The following DPP10 variants were observed in gnomAD, a reference collection of about 807,000 sequenced individuals.
DPP10 encodes inactive dipeptidyl peptidase 10.
In DPP10, 33 loss-of-function variants were observed where a neutral mutation model predicts 120.9. The ratio of observed to expected loss-of-function variants is 0.27; its 90% CI spans 0.21 to 0.37. DPP10 has a LOEUF of 0.37. DPP10 is among the 10% of genes least tolerant of loss of function. The pLI, the probability that DPP10 is intolerant of heterozygous loss-of-function variation, is 1.00. For missense variants in DPP10, 816 were observed against 942.8 expected (o/e 0.87, Z 1.76); for synonymous variants, 337 against 326.1 (o/e 1.03, Z -0.36).
At chr2:115,283,907 C>G (rs538542931) in intron 1 of DPP10, among the ~76,000 whole-genome samples, 1 of 151,974 alleles carries the variant, frequency 6.6e-6, no homozygotes, top group Non-Finnish European at 1.5e-5. Flanking sequence ...GGTCTAGGAG[C>G]AATAGGCTAG....
intron 1 of DPP10, among the ~76,000 whole-genome samples, chr2:114,644,082 C>A (rs1695927804): frequency 6.7e-6 from 1 of 149,008 alleles, no homozygotes; most frequent in Admixed American, 6.7e-5. Flanking sequence ...TTACAGGTGC[C>A]CGCCACCATG....
At chr2:115,459,936 T>TAC (rs201688134) in intron 3 of DPP10, among the ~76,000 whole-genome samples, 11 of 39,516 alleles carry the variant, frequency 2.8e-4, no homozygotes, top group East Asian at 2.3e-3. Flanking sequence ...TATATATATA[T>TAC]ATACACACAC....
intron 1 of DPP10, among the ~76,000 whole-genome samples, chr2:114,460,642 A>G (rs898795972): frequency 6.6e-6 from 1 of 152,196 alleles, no homozygotes; most frequent in African/African-American, 2.4e-5. Flanking sequence ...TTTATTCATT[A>G]TAGGACTATT....
chr2:114,536,408 C>CTTTTTTTTTTTTTTTTTTTTTTTTTTTT (rs70937287), intron 1 of DPP10, among the ~76,000 whole-genome samples: 1 of 128,732 alleles, frequency 7.8e-6, no homozygotes, highest in Non-Finnish European at 1.6e-5. Flanking sequence ...TTTTCTTTTT[C>CTTTTTTTTTTTTTTTTTTTTTTTTTTTT]TTTTTTTTTT....
At chr2:114,983,584 C>T (rs1327001061) in intron 1 of DPP10, among the ~76,000 whole-genome samples, 2 of 152,180 alleles carry the variant, frequency 1.3e-5, no homozygotes, top group East Asian at 3.9e-4. Context: ...TCATTTTAGC[C>T]TTTATACATG....
At chr2:114,905,153 C>A (rs979694773) in intron 1 of DPP10, among the ~76,000 whole-genome samples, 4 of 151,190 alleles carry the variant, frequency 2.6e-5, no homozygotes, top group Middle Eastern at 3.5e-3. Context: ...CTAATAATTT[C>A]TTTATATTTT....
chr2:114,448,007 C>A (rs1406828374), intron 1 of DPP10, among the ~76,000 whole-genome samples: 1 of 152,130 alleles, frequency 6.6e-6, no homozygotes, highest in Non-Finnish European at 1.5e-5. Flanking sequence ...TCACCACTTA[C>A]AATTTCCATT....
chr2:114,506,538 C>T (rs531994588), intron 1 of DPP10, among the ~76,000 whole-genome samples: 1 of 152,278 alleles, frequency 6.6e-6, no homozygotes, highest in South Asian at 2.1e-4. Context: ...ATCCAGCCAT[C>T]CACAGATGGC....
intron 7 of DPP10, among the ~76,000 whole-genome samples, chr2:115,722,005 A>G (rs997611786): frequency 3.3e-5 from 5 of 152,176 alleles, no homozygotes; most frequent in African/African-American, 1.2e-4. Context: ...GCACAGAAAG[A>G]CAAATACTGC....
At chr2:115,670,131 GCA>G (rs1411950960) in intron 5 of DPP10, among the ~76,000 whole-genome samples, 1 of 151,990 alleles carries the variant, frequency 6.6e-6, no homozygotes, top group Non-Finnish European at 1.5e-5. Context: ...CAGAGAATAA[GCA>G]CACTTTCTTG....
chr2:114,581,419 G>C (rs763426513), intron 1 of DPP10, among the ~76,000 whole-genome samples: 2 of 151,962 alleles, frequency 1.3e-5, no homozygotes, highest in Non-Finnish European at 2.9e-5. Context: ...TCCTGACCTG[G>C]TGATCAGCCC....
intron 2 of DPP10, among the ~76,000 whole-genome samples, chr2:115,318,218 T>A (rs1356384): frequency 0.79 from 119,580 of 151,948 alleles, 47,340 homozygotes; most frequent in Non-Finnish European, 0.83. Flanking sequence ...CAATTATTAT[T>A]GTGTGAACCT....
At chr2:114,986,671 C>T (rs1386865545) in intron 1 of DPP10, among the ~76,000 whole-genome samples, 2 of 152,176 alleles carry the variant, frequency 1.3e-5, no homozygotes, top group Non-Finnish European at 2.9e-5. Context: ...AAATAAATAG[C>T]ATAATTAAAT....
At chr2:114,454,735 A>G (rs1038139462) in intron 1 of DPP10, among the ~76,000 whole-genome samples, 17 of 151,970 alleles carry the variant, frequency 1.1e-4, no homozygotes, top group Admixed American at 1.1e-3. Flanking sequence ...CCTCAGGAAG[A>G]CGACTTGCTT....
chr2:115,032,301 TGAA>T (rs1487481880), intron 1 of DPP10, among the ~76,000 whole-genome samples: 1 of 152,150 alleles, frequency 6.6e-6, no homozygotes, highest in East Asian at 1.9e-4. Context: ...TGAAAAGAGT[TGAA>T]GAAGTAAAAA....
At chr2:114,748,486 C>A (rs1276715476) in intron 1 of DPP10, among the ~76,000 whole-genome samples, 1 of 140,936 alleles carries the variant, frequency 7.1e-6, no homozygotes, top group African/African-American at 2.6e-5. Flanking sequence ...ATGTGCCATG[C>A]TGGTGCACTG....
At position 114,814,899 on chromosome 2, in the gene DPP10, G is replaced by A. The variant is rs189177701; in HGVS notation, c.60+372061G>A. On this transcript the variant is annotated intron_variant, in intron 1 of 25. Coordinates refer to ENST00000410059, the MANE Select transcript of DPP10 (RefSeq NM_020868.6). ...GATTAAGGTAGAACCAACCGTGGAGGAGCTGCCATGGGCTTTTGTTGTCTA... is the reference window on the plus strand; with the variant it reads ...GATTAAGGTAGAACCAACCGTGGAGAAGCTGCCATGGGCTTTTGTTGTCTA... Among the ~76,000 whole-genome samples, 113 of 152,332 alleles carry A rather than the reference G, an allele frequency of 7.4e-4. 1 individual carries two copies. Among genetic ancestry groups the A allele is most frequent in the African/African-American group, 2.6e-3 (110 of 41,588 alleles).
intron 1 of DPP10, among the ~76,000 whole-genome samples, chr2:114,804,717 A>G (rs1684572446): frequency 6.6e-6 from 1 of 152,194 alleles, no homozygotes; most frequent in African/African-American, 2.4e-5. Context: ...ACCCCATCGT[A>G]ACTAGGAATT....
At chr2:115,233,598 T>G (rs1436547513) in intron 1 of DPP10, among the ~76,000 whole-genome samples, 1 of 152,102 alleles carries the variant, frequency 6.6e-6, no homozygotes, top group Non-Finnish European at 1.5e-5. Flanking sequence ...CAAATGGGAG[T>G]TCACTCTGGG....
Sources: allele counts gnomAD v4.1 joint callset (sites outside exome capture counted in the v4.1 genomes callset), GRCh38; gene constraint gnomAD v4.1.1; transcripts MANE v1.5; gene names NCBI Gene and HGNC (gene_info 2026-07-23, HGNC 2026-07-21).